RASSF5: variants seen among roughly 807,000 people sequenced by gnomAD.
RASSF5 encodes ras association domain-containing protein 5.
RASSF5 carries 25 observed loss-of-function variants against 40.5 expected under a neutral mutation model. The observed-to-expected ratio is 0.62, with a 90% CI of 0.45 to 0.86. The LOEUF is 0.86. Among genes scored for constraint, RASSF5 ranks in the 40% least tolerant of loss-of-function variants. The pLI is 0.00. For missense variants in RASSF5, 521 were observed against 572.8 expected (o/e 0.91, Z 0.92); for synonymous variants, 246 against 252.4 (o/e 0.97, Z 0.24).
intron 1 of RASSF5, among the ~76,000 whole-genome samples, chr1:206,536,312 G>A (rs1667392043): frequency 6.6e-6 from 1 of 152,218 alleles, no homozygotes; most frequent in Non-Finnish European, 1.5e-5. Context: ...GGATCTGAAG[G>A]AGAGGATATT....
At chr1:206,516,447 C>T (rs1553395404) in intron 1 of RASSF5, among the ~76,000 whole-genome samples, 2 of 152,010 alleles carry the variant, frequency 1.3e-5, no homozygotes, top group African/African-American at 2.4e-5. Flanking sequence ...AGGGATTTCC[C>T]CGCATTACAC....
At position 206,584,458 on chromosome 1, in the gene RASSF5, T is replaced by G; in HGVS notation, c.762T>G (p.Ala254=). 1 of 1,614,152 alleles carries G rather than the reference T, an allele frequency of 6.2e-7. No homozygotes were observed. Among genetic ancestry groups the G allele is most frequent in the Non-Finnish European group, 8.5e-7 (1 of 1,180,044 alleles). The change falls in exon 4 of 6, where the codon GCT becomes GCG. Residue 254 remains alanine (A), a synonymous_variant. Transcript: ENST00000579436. This position sits in a 1 kb window ranked among gnomAD's most constrained non-coding sequence, Gnocchi z 4.9. ...TCCGGCGGCCTGTGACGGTGCCTGC[T>G]GGGATCCGGCCCCAGTCCATCTATG... ...LKLRRPVTVP[A]GIRPQSIYDA... is the part of the protein sequence containing the mutation.
At chr1:206,547,734 G>A (rs1469017176) in intron 2 of RASSF5, among the ~76,000 whole-genome samples, 2 of 152,062 alleles carry the variant, frequency 1.3e-5, no homozygotes, top group Admixed American at 6.6e-5. Flanking sequence ...TGCCAAAAAG[G>A]TTGGGGACCA....
At position 206,585,006 on chromosome 1, in the gene RASSF5, C is replaced by A. The variant is rs369647130; in HGVS notation, c.989-174C>A. 202 of 631,050 alleles carry A rather than the reference C, an allele frequency of 3.2e-4. 1 individual carries two copies. The East Asian group carries it at 5.1e-3, about 16-fold the overall frequency. The allele number at this position is 631,050 out of a possible 1,614,324, so 39.1% of individuals were successfully genotyped here. A position where few individuals can be genotyped will look rare whatever the true frequency, so the allele number is the denominator to read the frequency against. On this transcript the variant is annotated intron_variant, in intron 4 of 5. Coordinates refer to ENST00000579436, the MANE Select transcript of RASSF5 (RefSeq NM_182663.4). The stretch of plus-strand genomic sequence containing the variant: ...CATGCTTTAAACTCTGAGCAGACAC[C>A]CAAGATAAAAGGTTATTGCCCTGTT...
At chr1:206,521,776 AC>A (rs1371727055) in intron 1 of RASSF5, among the ~76,000 whole-genome samples, 5 of 152,108 alleles carry the variant, frequency 3.3e-5, no homozygotes. Flanking sequence ...TTTGTCAGCT[AC>A]CCAGGGTCCT....
intron 2 of RASSF5, among the ~76,000 whole-genome samples, chr1:206,570,488 G>A (rs1173658539): frequency 6.6e-6 from 1 of 151,982 alleles, no homozygotes; most frequent in African/African-American, 2.4e-5. Context: ...CAGAACTTTT[G>A]TTTTCCCCAA....
intron 2 of RASSF5, chr1:206,571,283 G>GT (rs34919529): frequency 0.52 from 76,070 of 147,010 alleles, 20,048 homozygotes; most frequent in Middle Eastern, 0.68. Context: ...TTTTCATCAG[G>GT]TTTTTTTTTT....
chr1:206,533,109 G>C (rs1667284676), intron 1 of RASSF5, among the ~76,000 whole-genome samples: 1 of 152,166 alleles, frequency 6.6e-6, no homozygotes, highest in African/African-American at 2.4e-5. Flanking sequence ...GTCCTGTGTA[G>C]TTCCACCTTC....
In RASSF5 at chr1:206,507,901, C is replaced by A; in HGVS notation, c.299C>A (p.Pro100His). The change falls in exon 1 of 6, where the codon CCC becomes CAC. Residue 100 changes from proline to histidine, a missense_variant. Physicochemically the swap from Pro to His is moderately conservative, Grantham distance 77 (BLOSUM62 -2). Transcript: ENST00000579436. ...RLRRRPGAPR[P>H]RDVRSIFEQP... ...CGGCGGCGGCCTGGAGCGCCCCGAC[C>A]CCGCGACGTGCGGAGCATCTTCGAG... 12 of 1,505,120 alleles carry A rather than the reference C, an allele frequency of 8.0e-6. No individual in the cohort carries two copies. The highest frequency in any genetic ancestry group is 2.7e-5 in the East Asian group (1 of 36,366). The allele number at this position is 1,505,120 out of a possible 1,614,324, so 93.2% of individuals were successfully genotyped here. A position where few individuals can be genotyped will look rare whatever the true frequency, so the allele number is the denominator to read the frequency against.
At chr1:206,558,595 A>T (rs539440120) in intron 2 of RASSF5, among the ~76,000 whole-genome samples, 1 of 152,070 alleles carries the variant, frequency 6.6e-6, no homozygotes, top group South Asian at 2.1e-4. Flanking sequence ...ATTCAAATTA[A>T]CCAAAAACTT....
At chr1:206,517,565 T>G (rs142289771) in intron 1 of RASSF5, among the ~76,000 whole-genome samples, 3 of 152,272 alleles carry the variant, frequency 2.0e-5, no homozygotes, top group African/African-American at 7.2e-5. Flanking sequence ...CTGGGCAGCC[T>G]GGGAGGGACA....
chr1:206,583,069 T>C, intron 2 of RASSF5, 200 bp from the exon 3 acceptor site: 1 of 519,864 alleles, frequency 1.9e-6, no homozygotes, highest in South Asian at 2.0e-5. Flanking sequence ...CTGAGTTACT[T>C]CTCCAGGAGG....
intron 1 of RASSF5, among the ~76,000 whole-genome samples, chr1:206,523,773 A>C (rs1209641652): frequency 7.8e-5 from 8 of 102,230 alleles, no homozygotes; most frequent in African/African-American, 3.3e-4. Flanking sequence ...TATATTTTAT[A>C]TATTATATAT....
intron 2 of RASSF5, among the ~76,000 whole-genome samples, chr1:206,553,480 G>C (rs1404600960): frequency 6.6e-6 from 1 of 152,134 alleles, no homozygotes; most frequent in African/African-American, 2.4e-5. Flanking sequence ...GAAATACTAC[G>C]GGAGGAAAAG....
chr1:206,556,244 C>T (rs1266968874), intron 2 of RASSF5, among the ~76,000 whole-genome samples: 3 of 152,204 alleles, frequency 2.0e-5, no homozygotes, highest in African/African-American at 4.8e-5. Context: ...CTGCACACAC[C>T]AGGGCTGAGT....
intron 1 of RASSF5, among the ~76,000 whole-genome samples, chr1:206,515,235 C>T (rs74148004): frequency 0.012 from 1,843 of 152,264 alleles, 46 homozygotes; most frequent in African/African-American, 0.042. Flanking sequence ...AGAGAATCAG[C>T]CAGGGCTGGG....
chr1:206,522,442 G>A (rs1666931810), intron 1 of RASSF5, among the ~76,000 whole-genome samples: 1 of 152,176 alleles, frequency 6.6e-6, no homozygotes, highest in African/African-American at 2.4e-5. Context: ...TACCCTAAAT[G>A]CAGCGTGAGC....
intron 2 of RASSF5, among the ~76,000 whole-genome samples, chr1:206,559,259 G>A (rs140150399): frequency 4.8e-4 from 73 of 152,344 alleles, no homozygotes; most frequent in African/African-American, 1.7e-3. Flanking sequence ...TTTAGGTGCT[G>A]TGCCTGCCTC....
Position 206,584,728 on chromosome 1 carries a change from T to A in RASSF5, c.988+44T>A. The A allele has an allele frequency of 6.2e-7, 1 of 1,606,670 alleles. No homozygotes were observed. Among genetic ancestry groups the A allele is most frequent in the Non-Finnish European group, 8.5e-7 (1 of 1,175,098 alleles). ...CCAACCAGACCGTTCCCTTCCTACC[T>A]GTGTCCAAGCCCACCCACTAAAACT... is the stretch of plus-strand genomic sequence containing the variant. On this transcript the variant is annotated intron_variant, in intron 4 of 5. Coordinates refer to ENST00000579436, the MANE Select transcript of RASSF5 (RefSeq NM_182663.4). This position sits in a 1 kb window ranked among gnomAD's most constrained non-coding sequence, Gnocchi z 4.9.
Sources: gnomAD v4.1 joint callset for allele counts (sites outside exome capture counted in the v4.1 genomes callset) on GRCh38, gnomAD v4.1.1 for gene constraint, Gnocchi (gnomAD v3.1) non-coding constraint, MANE v1.5 for transcripts, NCBI Gene and HGNC (gene_info 2026-07-23, HGNC 2026-07-21) for gene names.